The following MPP7 variants were observed in gnomAD, a reference collection of about 807,000 sequenced individuals.
The protein encoded by MPP7 is MAGUK p55 subfamily member 7.
A neutral mutation model predicts 76.5 loss-of-function variants in MPP7; 60 were observed. The ratio of observed to expected loss-of-function variants is 0.78; its 90% confidence interval spans 0.64 to 0.97. The LOEUF is 0.97. MPP7 is among the 50% of genes least tolerant of loss of function. MPP7 has a pLI of 0.00. For missense variants in MPP7, 641 were observed against 694.0 expected, an observed-to-expected ratio of 0.92 and a Z score of 0.86; for synonymous variants, 237 against 244.5, an observed-to-expected ratio of 0.97 and a Z score of 0.29.
At chr10:28,096,869 G>C (rs2133489244) in intron 11 of MPP7, among the ~76,000 whole-genome samples, 1 of 152,182 alleles carries the variant, frequency 6.6e-6, no homozygotes, top group Middle Eastern at 3.4e-3. Flanking sequence ...CAGAAATACT[G>C]AACAACCCTT....
At chr10:28,092,740 ATTTTTT>A (rs536385197) in intron 11 of MPP7, among the ~76,000 whole-genome samples, 15 of 105,520 alleles carry the variant, frequency 1.4e-4, no homozygotes, top group Non-Finnish European at 1.7e-4. Context: ...ACCTGGCTCA[ATTTTTT>A]TTTTTTTTTT....
intron 12 of MPP7, among the ~76,000 whole-genome samples, chr10:28,086,863 G>A (rs1853035592): frequency 6.6e-6 from 1 of 152,136 alleles, no homozygotes; most frequent in African/African-American, 2.4e-5. Context: ...GCGCACAAAA[G>A]GCAACAACCT....
chr10:28,177,124 A>G (rs1836893599), intron 3 of MPP7, among the ~76,000 whole-genome samples: 1 of 151,880 alleles, frequency 6.6e-6, no homozygotes, highest in African/African-American at 2.4e-5. Context: ...TACCGATAGT[A>G]AAAAGAGTTC....
chr10:28,209,506 G>A (rs11006920), intron 2 of MPP7, among the ~76,000 whole-genome samples: 20,204 of 151,390 alleles, frequency 0.13, 1,608 homozygotes, highest in East Asian at 0.32. Flanking sequence ...GTCTCTTTCT[G>A]GGGGAGAGGA....
chr10:28,271,097 C>T (rs375379309), intron 1 of MPP7, among the ~76,000 whole-genome samples: 222 of 152,072 alleles, frequency 1.5e-3, no homozygotes, highest in African/African-American at 4.5e-3. Context: ...GTGCATAATT[C>T]GAAACAATAC....
chr10:28,244,888 C>G (rs980082798), intron 1 of MPP7, among the ~76,000 whole-genome samples: 3 of 152,130 alleles, frequency 2.0e-5, no homozygotes, highest in African/African-American at 7.2e-5. Flanking sequence ...TGAACTAGCA[C>G]TTGCAGGCAA....
intron 11 of MPP7, among the ~76,000 whole-genome samples, chr10:28,115,801 C>A (rs1465559158): frequency 6.6e-6 from 1 of 152,118 alleles, no homozygotes; most frequent in African/African-American, 2.4e-5. Flanking sequence ...TAAATGGATA[C>A]CCTTTGGCTT....
chr10:28,327,078 C>A (rs1474713243), intron 2 of MPP7, among the ~76,000 whole-genome samples: 1 of 151,986 alleles, frequency 6.6e-6, no homozygotes, highest in African/African-American at 2.4e-5. Context: ...CACATGTGAC[C>A]AGCTGCACTG....
chr10:28,249,474 A>G (rs996856267), intron 1 of MPP7, among the ~76,000 whole-genome samples: 5 of 152,208 alleles, frequency 3.3e-5, no homozygotes, highest in African/African-American at 1.2e-4. Context: ...TTGTAGTCCC[A>G]GCTATTCGAG....
chr10:28,261,188 C>T (rs1371338358), intron 1 of MPP7, among the ~76,000 whole-genome samples: 1 of 152,146 alleles, frequency 6.6e-6, no homozygotes, highest in Non-Finnish European at 1.5e-5. Flanking sequence ...AAAGTAGATC[C>T]TACACACAGG....
intron 2 of MPP7, among the ~76,000 whole-genome samples, chr10:28,210,102 C>T (rs947498931): frequency 1.3e-5 from 2 of 152,132 alleles, no homozygotes; most frequent in African/African-American, 4.8e-5. Flanking sequence ...CTTTCCCTTC[C>T]ACCCCATAAT....
intron 1 of MPP7, among the ~76,000 whole-genome samples, chr10:28,240,268 A>G (rs746850215): frequency 1.3e-5 from 2 of 152,208 alleles, no homozygotes; most frequent in Non-Finnish European, 2.9e-5. Flanking sequence ...ACTGGTTCAC[A>G]TCAATTCTGA....
Position 28,069,792 on chromosome 10 carries a change from T to TGCTG in MPP7, c.1180_1183dup (p.His395ProfsTer20). The TGCTG allele has an allele frequency of 1.2e-6, 2 of 1,614,062 alleles. No homozygotes were observed. Among genetic ancestry groups the TGCTG allele is most frequent in the East Asian group, 4.5e-5 (2 of 44,864 alleles). On this transcript the variant is annotated frameshift_variant, in exon 13 of 17. Transcript: ENST00000683449. LOFTEE classifies it high-confidence loss of function. ...CTCACGGGGCACTGTCACGCCATAG[T>TGCTG]GCTGGGTGTCACTGATCAGCAGCTT...
intron 11 of MPP7, among the ~76,000 whole-genome samples, chr10:28,097,473 T>A (rs950210519): frequency 6.6e-5 from 10 of 152,166 alleles, no homozygotes; most frequent in South Asian, 6.2e-4. Flanking sequence ...GAGGTGGGTA[T>A]AACAATCCAT....
At chr10:28,166,448 C>T (rs1836464043) in intron 3 of MPP7, among the ~76,000 whole-genome samples, 2 of 122,720 alleles carry the variant, frequency 1.6e-5, no homozygotes, top group South Asian at 5.2e-4. Flanking sequence ...GGTCTTGTTG[C>T]TCAGGCTGGA....
intron 12 of MPP7, among the ~76,000 whole-genome samples, chr10:28,074,613 C>T (rs528420023): frequency 3.9e-5 from 6 of 152,100 alleles, no homozygotes; most frequent in African/African-American, 7.2e-5. Context: ...AGCCTTTATC[C>T]TTCCTTCCAG....
chr10:28,332,672 C>T (rs1834482613), intron 1 of MPP7, among the ~76,000 whole-genome samples: 1 of 151,978 alleles, frequency 6.6e-6, no homozygotes, highest in African/African-American at 2.4e-5. Flanking sequence ...ATTTGCCCCC[C>T]ATTTTTTGAG....
intron 3 of MPP7, among the ~76,000 whole-genome samples, chr10:28,161,671 C>T (rs1346023009): frequency 3.9e-5 from 6 of 152,082 alleles, no homozygotes; most frequent in African/African-American, 1.4e-4. Flanking sequence ...AGCTAAACAT[C>T]CTCGATTTCT....
chr10:28,062,413 C>A lies in MPP7; in HGVS notation c.1205-2670G>T, dbSNP rs562739852. Among the ~76,000 whole-genome samples, 63 of 151,944 alleles carry A rather than the reference C, an allele frequency of 4.1e-4. 1 individual carries two copies. The highest frequency in any genetic ancestry group is 1.4e-3 in the African/African-American group (56 of 41,468). On this transcript the variant is annotated intron_variant, in intron 13 of 16. Transcript: ENST00000683449. ...GTAGATTAAAATGGAAATTAAAAAA[C>A]ACTAAAATAATCCAAAAGAAGGCAG... is the stretch of plus-strand genomic sequence containing the variant.
Sources: allele counts gnomAD v4.1 joint callset (sites outside exome capture counted in the v4.1 genomes callset), GRCh38; gene constraint gnomAD v4.1.1; transcripts MANE v1.5; gene names NCBI Gene and HGNC (gene_info 2026-07-23, HGNC 2026-07-21).